Variants in PHYHIPL observed in about 807,000 individuals in gnomAD.
The protein encoded by PHYHIPL is phytanoyl-CoA hydroxylase-interacting protein-like.
A neutral mutation model predicts 33.4 loss-of-function variants in PHYHIPL; 9 were observed. That is an observed-to-expected ratio of 0.27 (90% confidence interval 0.16 to 0.47). The LOEUF (loss-of-function observed/expected upper bound fraction) is 0.47, where lower values mean the gene tolerates loss of function less well. Ranked by LOEUF, PHYHIPL falls within the 20% of genes least tolerant of loss-of-function variation. The pLI is 0.99. For missense variants in PHYHIPL, 365 were observed against 460.7 expected, an observed-to-expected ratio of 0.79 and a Z score of 1.90; for synonymous variants, 153 against 154.1, an observed-to-expected ratio of 0.99 and a Z score of 0.05.
intron 1 of PHYHIPL, among the ~76,000 whole-genome samples, chr10:59,233,420 T>G (rs1840134899): frequency 6.6e-6 from 1 of 151,884 alleles, no homozygotes. Flanking sequence ...TTTTTCTTAT[T>G]TGAATAACAT....
At chr10:59,174,751 AG>A (rs781114094), upstream of PHYHIPL, among the ~76,000 whole-genome samples, 18 of 152,310 alleles carry the variant, frequency 1.2e-4, no homozygotes, top group East Asian at 3.1e-3. Flanking sequence ...ATCATTTTGG[AG>A]ATCTTCCTGA....
At chr10:59,200,063 G>T (rs1045596090) in intron 1 of PHYHIPL, among the ~76,000 whole-genome samples, 17 of 152,102 alleles carry the variant, frequency 1.1e-4, no homozygotes, top group African/African-American at 3.9e-4. Context: ...TCTCTTGCCT[G>T]ATTGCCCTGG....
intron 3 of PHYHIPL, among the ~76,000 whole-genome samples, chr10:59,237,739 A>C (rs1430435927): frequency 1.3e-5 from 2 of 151,940 alleles, no homozygotes; most frequent in Non-Finnish European, 2.9e-5. Flanking sequence ...AGCCTATGAC[A>C]GGGTTTAAAA....
intron 1 of PHYHIPL, among the ~76,000 whole-genome samples, chr10:59,216,383 T>C (rs903153493): frequency 6.6e-6 from 1 of 152,074 alleles, no homozygotes; most frequent in Non-Finnish European, 1.5e-5. Flanking sequence ...TCAGTTTCTT[T>C]GTAACTCTTG....
chr10:59,185,299 A>AT (rs1554854551), intron 1 of PHYHIPL, among the ~76,000 whole-genome samples: 1 of 151,884 alleles, frequency 6.6e-6, no homozygotes, highest in Non-Finnish European at 1.5e-5. Context: ...CGAACTCATC[A>AT]TTTTTTATGG....
rs1425447267 is a variant in PHYHIPL at position 59,185,427 on chromosome 10, G to A, written c.106+8468G>A. Among the ~76,000 whole-genome samples, 8 of 152,232 alleles carry A rather than the reference G, an allele frequency of 5.3e-5. No individual in the cohort carries two copies. The South Asian group carries it at 1.0e-3, about 20-fold the overall frequency. On this transcript the variant is annotated intron_variant, in intron 1 of 4. Transcript: ENST00000373880. ...GTGAATAGTGGCGCAATAAACATACGTGTGCATGTGTCTTTATAGCAGCAT... is the reference window on the plus strand; with the variant it reads ...GTGAATAGTGGCGCAATAAACATACATGTGCATGTGTCTTTATAGCAGCAT...
At chr10:59,244,627 A>C (rs1840579586) in intron 4 of PHYHIPL, among the ~76,000 whole-genome samples, 4 of 150,954 alleles carry the variant, frequency 2.6e-5, no homozygotes, top group Admixed American at 2.6e-4. Flanking sequence ...GTATAAATGG[A>C]CAGCACTCAT....
chr10:59,221,716 AC>A (rs1564454169), intron 1 of PHYHIPL: 1 of 982,594 alleles, frequency 1.0e-6, no homozygotes. Flanking sequence ...ACAGAGATAA[AC>A]AAGTTTTCCT....
At chr10:59,197,023 G>C (rs1838941521) in intron 1 of PHYHIPL, among the ~76,000 whole-genome samples, 1 of 152,156 alleles carries the variant, frequency 6.6e-6, no homozygotes, top group Admixed American at 6.5e-5. Flanking sequence ...TCTCAATCTA[G>C]GTGCTCATCA....
chr10:59,203,495 T>G (rs1300746605), intron 1 of PHYHIPL, among the ~76,000 whole-genome samples: 2 of 152,016 alleles, frequency 1.3e-5, no homozygotes, highest in African/African-American at 4.8e-5. Context: ...GTATTCACAA[T>G]AGCAAAGACT....
upstream of PHYHIPL, among the ~76,000 whole-genome samples, chr10:59,173,911 T>C (rs1200829985): frequency 6.8e-6 from 1 of 146,394 alleles, no homozygotes; most frequent in South Asian, 2.2e-4. Context: ...GAAAAACTTT[T>C]ACTTCTGAGG....
At chr10:59,179,123 C>G (rs1182798372) in intron 1 of PHYHIPL, among the ~76,000 whole-genome samples, 1 of 152,130 alleles carries the variant, frequency 6.6e-6, no homozygotes, top group Non-Finnish European at 1.5e-5. Context: ...AAAATATTAA[C>G]TTGGTTGGCT....
chr10:59,210,880 C>T (rs1839421144), intron 1 of PHYHIPL, among the ~76,000 whole-genome samples: 1 of 152,136 alleles, frequency 6.6e-6, no homozygotes, highest in African/African-American at 2.4e-5. Context: ...ACAGTGAGAA[C>T]ACATAGACAC....
At chr10:59,195,285 A>T (rs527896187) in intron 1 of PHYHIPL, among the ~76,000 whole-genome samples, 1 of 152,368 alleles carries the variant, frequency 6.6e-6, no homozygotes, top group African/African-American at 2.4e-5. Flanking sequence ...CTGAGGCCAC[A>T]TAACAAAAGA....
chr10:59,208,244 C>T (rs918168267), intron 1 of PHYHIPL, among the ~76,000 whole-genome samples: 8 of 152,212 alleles, frequency 5.3e-5, no homozygotes, highest in South Asian at 2.1e-4. Context: ...GCAATCTTTG[C>T]TGTTCTGCAG....
chr10:59,218,321 G>A (rs576795163), intron 1 of PHYHIPL, among the ~76,000 whole-genome samples: 3 of 152,038 alleles, frequency 2.0e-5, no homozygotes, highest in East Asian at 1.9e-4. Context: ...CAATTCACTC[G>A]TCCTGTTGTA....
chr10:59,225,482 A>T (rs983692617), intron 1 of PHYHIPL, among the ~76,000 whole-genome samples: 1 of 152,126 alleles, frequency 6.6e-6, no homozygotes, highest in East Asian at 1.9e-4. Context: ...TCCTGATGGT[A>T]ATGAGGCTTA....
rs1156851315 is a variant in PHYHIPL, at chr10:59,247,291, A to G, written c.*1700A>G. On this transcript the variant is annotated 3_prime_UTR_variant, in exon 5 of 5. Coordinates refer to ENST00000373880, the MANE Select transcript of PHYHIPL (RefSeq NM_032439.4). ...TTTGGATACTAAATAAACTTTCCCTAACAAGTGTCCTAGCTATGTTATTTA... is the reference window on the plus strand; with the variant it reads ...TTTGGATACTAAATAAACTTTCCCTGACAAGTGTCCTAGCTATGTTATTTA... 8.3e-6 allele frequency: 2 copies of G among 241,858 alleles called. No individual in the cohort carries two copies. The highest frequency in any genetic ancestry group is 5.8e-5 in the Admixed American group (1 of 17,106). 15.0% of individuals were successfully genotyped at this position (241,858 alleles called of 1,614,324 possible).
At chr10:59,235,847 G>A (rs1476542138) in intron 2 of PHYHIPL, among the ~76,000 whole-genome samples, 1 of 151,772 alleles carries the variant, frequency 6.6e-6, no homozygotes, top group Non-Finnish European at 1.5e-5. Flanking sequence ...GTGACACATA[G>A]ACTCTATATT....
Sources: allele counts gnomAD v4.1 joint callset (sites outside exome capture counted in the v4.1 genomes callset), GRCh38; gene constraint gnomAD v4.1.1; transcripts MANE v1.5; gene names NCBI Gene and HGNC (gene_info 2026-07-23, HGNC 2026-07-21).